Variants in COL7A1 observed in about 807,000 individuals in gnomAD.
COL7A1 encodes collagen type VII alpha 1 chain, also known as collagen alpha-1(VII) chain.
Under a neutral mutation model 456.2 loss-of-function variants are expected in COL7A1, and 296 were observed. The ratio of observed to expected loss-of-function variants is 0.65; its 90% confidence interval spans 0.59 to 0.71. The LOEUF (loss-of-function observed/expected upper bound fraction) is 0.71, where lower values mean the gene tolerates loss of function less well. COL7A1 is among the 30% of genes least tolerant of loss of function. COL7A1 has a pLI of 0.00. For missense variants in COL7A1, 3,441 were observed against 4,017.2 expected (o/e 0.86, Z 3.88); for synonymous variants, 1,464 against 1,525.9 (o/e 0.96, Z 0.95).
rs2043821023 is a variant in COL7A1, at chr3:48,570,236, G to C, written c.7440+39C>G. The C allele has an allele frequency of 1.2e-6, 2 of 1,613,960 alleles. No individual in the cohort carries two copies. Among genetic ancestry groups the C allele is most frequent in the South Asian group, 2.2e-5 (2 of 91,088 alleles). ...GGTTGGAAATCAGAGGCAAGAGCTG[G>C]GATGAAGGGAGTTCGGCTGTGGAGT... On this transcript the variant is annotated intron_variant, in intron 98 of 118. Coordinates refer to ENST00000681320, the MANE Select transcript of COL7A1 (RefSeq NM_000094.4). This position sits in a 1 kb window ranked among gnomAD's most constrained non-coding sequence, Gnocchi z 5.5.
chr3:48,593,214 G>C lies in COL7A1; in HGVS notation c.570C>G (p.Pro190=). 1.9e-6 allele frequency: 3 copies of C among 1,614,088 alleles called. No individual in the cohort carries two copies. Among genetic ancestry groups the C allele is most frequent in the Non-Finnish European group, 2.5e-6 (3 of 1,180,004 alleles). The change falls in exon 6 of 119, where the codon CCC becomes CCG. Residue 190 remains proline, a synonymous_variant. Coordinates refer to ENST00000681320, the MANE Select transcript of COL7A1 (RefSeq NM_000094.4). This position sits in a 1 kb window ranked among gnomAD's most constrained non-coding sequence, Gnocchi z 4.4. ...PEELKRVASQ[P]TSDFFFFVND... ...TGACGAAGAAGAAGAAGTCACTGGT[G>C]GGCTGTGAGGCAACTCGCTTCAGCT... is the stretch of plus-strand genomic sequence containing the variant.
Position 48,595,012 on chromosome 3 carries a change from C to G in COL7A1, c.85+63G>C, listed in dbSNP as rs1186094649. 9.6e-6 allele frequency: 13 copies of G among 1,352,024 alleles called. No homozygotes were observed. In the East Asian group the frequency reaches 3.3e-4, roughly 34 times the overall value. 83.8% of individuals were successfully genotyped at this position (1,352,024 alleles called of 1,614,324 possible). On this transcript the variant is annotated intron_variant, in intron 2 of 118. Coordinates refer to ENST00000681320, the MANE Select transcript of COL7A1 (RefSeq NM_000094.4). Reference sequence around the variant, plus strand: ...GGCGGGGGGTGTTGGGGATGAAGGCCGAGTGGAGCGGAGGGTGGCACGGTG... The same window carrying G: ...GGCGGGGGGTGTTGGGGATGAAGGCGGAGTGGAGCGGAGGGTGGCACGGTG...
At chr3:48,584,872 G>A in intron 34 of COL7A1, 38 bp downstream of exon 34, 1 of 1,614,004 alleles carries the variant, frequency 6.2e-7, no homozygotes. Flanking sequence ...AGAACCCTGG[G>A]AAGACACTTA....
Position 48,572,170 on chromosome 3 carries a change from C to A in COL7A1, c.6980G>T (p.Gly2327Val). 1 of 1,614,040 alleles carries A rather than the reference C, an allele frequency of 6.2e-7. No individual in the cohort carries two copies. The highest frequency in any genetic ancestry group is 8.5e-7 in the Non-Finnish European group (1 of 1,180,028). ...GLAGDLVGEP[G>V]AKGDRGLPGP... is the part of the protein sequence containing the mutation. Reference sequence around the variant, plus strand: ...TGGCAGTCCTCGGTCACCTTTGGCTCCCTGTTGACAGAGGTCAGGAGGCAA... The same window carrying A: ...TGGCAGTCCTCGGTCACCTTTGGCTACCTGTTGACAGAGGTCAGGAGGCAA... Residue 2327 changes from glycine (G) to valine (V), a missense_variant and splice_region_variant, in exon 91 of 119, where the codon GGA becomes GTA. This residue lies in a region of COL7A1 where 2,084 missense variants were observed against 2,501.3 expected (regional missense o/e 0.83). Coordinates refer to ENST00000681320, the MANE Select transcript of COL7A1 (RefSeq NM_000094.4). The surrounding 1 kb of genome is among the most constrained non-coding windows in gnomAD (Gnocchi z 4.6).
chr3:48,587,794 A>G lies in COL7A1; in HGVS notation c.2856T>C (p.Thr952=). 1.2e-6 allele frequency: 2 copies of G among 1,613,370 alleles called. No individual in the cohort carries two copies. Among genetic ancestry groups the G allele is most frequent in the Non-Finnish European group, 1.7e-6 (2 of 1,179,978 alleles). ...EGPSAEVTAR[T]ESPRVPSIEL... is the part of the protein sequence containing the mutation. ...CACGCCAAGGTGAGGCAGGCTTACC[A>G]GTGCGCGCAGTCACCTCTGCAGAGG... The change falls in exon 22 of 119, where the codon ACT becomes ACC. Residue 952 remains threonine, a splice_region_variant and synonymous_variant. Coordinates refer to ENST00000681320, the MANE Select transcript of COL7A1 (RefSeq NM_000094.4). The surrounding 1 kb of genome is among the most constrained non-coding windows in gnomAD (Gnocchi z 6.1).
rs767122729 is a variant in COL7A1, at chr3:48,586,194, A to G, written c.3603T>C (p.Arg1201=). ...CAGAGTCCATACCCGGCGCCAAGCG[A>G]CGCAGCTGCTCTGGGTCCGCTCCAG... ...GMAGADPEQL[R]RLAPGMDSVQ... Residue 1201 remains arginine (R), a synonymous_variant, in exon 28 of 119, where the codon CGT becomes CGC. Coordinates refer to ENST00000681320, the MANE Select transcript of COL7A1 (RefSeq NM_000094.4). This position sits in a 1 kb window ranked among gnomAD's most constrained non-coding sequence, Gnocchi z 5.1. 1.9e-6 allele frequency: 3 copies of G among 1,613,366 alleles called. No homozygotes were observed. The highest frequency in any genetic ancestry group is 2.5e-6 in the Non-Finnish European group (3 of 1,180,020).
At position 48,571,134 on chromosome 3, in the gene COL7A1, G is replaced by A. The variant is rs1279238298; in HGVS notation, c.7131C>T (p.Gly2377=). The A allele has an allele frequency of 6.2e-7, 1 of 1,613,922 alleles. No homozygotes were observed. The highest frequency in any genetic ancestry group is 1.3e-5 in the African/African-American group (1 of 74,918). ...CTGGAGGGCCAGGAGGCCCAGGGGA[G>A]CCCGGGACCCCGACTCCTGGGTCAC... ...FKGDPGVGVP[G]SPGPPGPPGV... The change falls in exon 94 of 119, where the codon GGC becomes GGT. Residue 2377 remains glycine (G), a synonymous_variant. Coordinates refer to ENST00000681320, the MANE Select transcript of COL7A1 (RefSeq NM_000094.4). This position sits in a 1 kb window ranked among gnomAD's most constrained non-coding sequence, Gnocchi z 4.6.
Position 48,588,449 on chromosome 3 carries a change from C to A in COL7A1, c.2588-45G>T. 6.2e-7 allele frequency: 1 copy of A among 1,600,364 alleles called. No individual in the cohort carries two copies. The highest frequency in any genetic ancestry group is 2.2e-5 in the East Asian group (1 of 44,648). ...ATCAGGGAGGCTCTGCCCCCATGGC[C>A]CCTGCACCAATCCCAGGCCCACCCT... On this transcript the variant is annotated intron_variant, in intron 20 of 118. Transcript: ENST00000681320. The surrounding 1 kb of genome is among the most constrained non-coding windows in gnomAD (Gnocchi z 4.6).
Position 48,588,584 on chromosome 3 carries a change from G to A in COL7A1, c.2587+58C>T, listed in dbSNP as rs919818160. The A allele has an allele frequency of 1.5e-5, 24 of 1,612,890 alleles. No individual in the cohort carries two copies. Among genetic ancestry groups the A allele is most frequent in the Middle Eastern group, 1.6e-4 (1 of 6,070 alleles). On this transcript the variant is annotated intron_variant, in intron 20 of 118. Transcript: ENST00000681320. The surrounding 1 kb of genome is among the most constrained non-coding windows in gnomAD (Gnocchi z 4.6). ...TTTCTCCAATCCAGAGCACAAGCCC[G>A]GATCCCCAAACCATCCACACCACCC... is the stretch of plus-strand genomic sequence containing the variant.
Position 48,584,344 on chromosome 3 carries a change from TC to T in COL7A1, c.4150del (p.Asp1384ThrfsTer15). ...GPPGPRGPLG[D>X]PGPRGPPGLP... ...CCCTGGGGGGCCACGGGGTCCTGGGTCCCCCAGTGGTCCACGAGGTCCAGGG... is the reference window on the plus strand; with the variant it reads ...CCCTGGGGGGCCACGGGGTCCTGGGTCCCCAGTGGTCCACGAGGTCCAGGG... On this transcript the variant is annotated frameshift_variant, in exon 37 of 119. Coordinates refer to ENST00000681320, the MANE Select transcript of COL7A1 (RefSeq NM_000094.4). LOFTEE classifies it high-confidence loss of function. 6.2e-7 allele frequency: 1 copy of T among 1,613,018 alleles called. No homozygotes were observed. The highest frequency in any genetic ancestry group is 8.5e-7 in the Non-Finnish European group (1 of 1,179,550).
At position 48,587,695 on chromosome 3, in the gene COL7A1, G is replaced by A; in HGVS notation, c.2857+98C>T. 1 of 1,602,388 alleles carries A rather than the reference G, an allele frequency of 6.2e-7. No individual in the cohort carries two copies. Among genetic ancestry groups the A allele is most frequent in the Non-Finnish European group, 8.5e-7 (1 of 1,170,384 alleles). ...GGGGTCACCCAGGGTCAGAGGGTGA[G>A]GGGTAGGGGTACAGGAGGAGTCACT... On this transcript the variant is annotated intron_variant, in intron 22 of 118. Transcript: ENST00000681320. The surrounding 1 kb of genome is among the most constrained non-coding windows in gnomAD (Gnocchi z 6.1).
In COL7A1 at chr3:48,572,773, C is replaced by G; in HGVS notation, c.6832-34G>C. ...GAGCAGCGTGAGGAACTCAGTGCCT[C>G]TCCACCACCACCCCTGCTGCCCCAC... On this transcript the variant is annotated intron_variant, in intron 87 of 118. Coordinates refer to ENST00000681320, the MANE Select transcript of COL7A1 (RefSeq NM_000094.4). This position sits in a 1 kb window ranked among gnomAD's most constrained non-coding sequence, Gnocchi z 4.6. The G allele has an allele frequency of 1.2e-6, 2 of 1,611,562 alleles. No homozygotes were observed. Among genetic ancestry groups the G allele is most frequent in the Non-Finnish European group, 1.7e-6 (2 of 1,178,818 alleles).
At position 48,572,159 on chromosome 3, in the gene COL7A1, C is replaced by A; in HGVS notation, c.6991G>T (p.Asp2331Tyr). Reference sequence around the variant, plus strand: ...CCTCGCGGCCCTGGCAGTCCTCGGTCACCTTTGGCTCCCTGTTGACAGAGG... The same window carrying A: ...CCTCGCGGCCCTGGCAGTCCTCGGTAACCTTTGGCTCCCTGTTGACAGAGG... ...DLVGEPGAKG[D>Y]RGLPGPRGEK... The change falls in exon 91 of 119, where the codon GAC becomes TAC. Residue 2331 changes from aspartate (D) to tyrosine (Y), a missense_variant. Physicochemically the swap from Asp to Tyr is radical, Grantham distance 160. Coordinates refer to ENST00000681320, the MANE Select transcript of COL7A1 (RefSeq NM_000094.4). The surrounding 1 kb of genome is among the most constrained non-coding windows in gnomAD (Gnocchi z 4.6). The A allele has an allele frequency of 6.2e-7, 1 of 1,614,048 alleles. No individual in the cohort carries two copies. Among genetic ancestry groups the A allele is most frequent in the South Asian group, 1.1e-5 (1 of 91,068 alleles).
At position 48,576,662 on chromosome 3, in the gene COL7A1, C is replaced by A; in HGVS notation, c.5700+14G>T. On this transcript the variant is annotated intron_variant, in intron 68 of 118. Coordinates refer to ENST00000681320, the MANE Select transcript of COL7A1 (RefSeq NM_000094.4). ...CTAATGCTCTGAAGTCCCAGAATGA[C>A]CCAGGACACTCACCTGGCCAGGAGG... The A allele has an allele frequency of 6.2e-7, 1 of 1,600,610 alleles. No individual in the cohort carries two copies. The highest frequency in any genetic ancestry group is 1.3e-5 in the African/African-American group (1 of 74,916).
In COL7A1 at chr3:48,576,401, T is replaced by A. The variant is rs746824716; in HGVS notation, c.5771A>T (p.Gln1924Leu). The A allele has an allele frequency of 2.5e-5, 40 of 1,613,650 alleles. No individual in the cohort carries two copies. In the Admixed American group the frequency reaches 6.7e-4, roughly 27 times the overall value. The change falls in exon 70 of 119, where the codon CAG becomes CTG. Residue 1924 changes from glutamine to leucine, a missense_variant and splice_region_variant. By Grantham distance (113) the Gln-to-Leu change is moderately radical. This residue lies in a region of COL7A1 where 2,084 missense variants were observed against 2,501.3 expected (regional missense o/e 0.83). Transcript: ENST00000681320. ...ATGTGGAAAAGGTGGGGGCCTCACC[T>A]GCTCCCCTTTGGATCCAGTCTCCCC... The part of the protein sequence containing the change: ...DRGETGSKGE[Q>L]GLPGERGLRG...
At position 48,587,414 on chromosome 3, in the gene COL7A1, C is replaced by T; in HGVS notation, c.2992+6G>A. On this transcript the variant is annotated splice_donor_region_variant and intron_variant, in intron 23 of 118. Coordinates refer to ENST00000681320, the MANE Select transcript of COL7A1 (RefSeq NM_000094.4). The surrounding 1 kb of genome is among the most constrained non-coding windows in gnomAD (Gnocchi z 6.1). ...CAGCCCACCCAAATCCTGGCCTCCC[C>T]CTCACCCTGGCCAGGGCCTCTGAGT... 6.2e-7 allele frequency: 1 copy of T among 1,613,220 alleles called. No individual in the cohort carries two copies. Among genetic ancestry groups the T allele is most frequent in the Non-Finnish European group, 8.5e-7 (1 of 1,180,018 alleles).
rs774931257 is a variant in COL7A1 at position 48,568,488 on chromosome 3, G to C, written c.7794+11C>G. ...GGACAGGGGGCCCCTGTGGGAGCAG[G>C]GGCATCTTACCGGGTCACCAGGGAT... On this transcript the variant is annotated intron_variant, in intron 105 of 118. Transcript: ENST00000681320. The surrounding 1 kb of genome is among the most constrained non-coding windows in gnomAD (Gnocchi z 5.2). The C allele has an allele frequency of 6.2e-7, 1 of 1,601,168 alleles. No homozygotes were observed. Among genetic ancestry groups the C allele is most frequent in the Non-Finnish European group, 8.5e-7 (1 of 1,171,298 alleles).
In COL7A1 at chr3:48,567,391, T is replaced by C; in HGVS notation, c.8046+183A>G. The C allele has an allele frequency of 2.4e-6, 2 of 850,208 alleles. No homozygotes were observed. Among genetic ancestry groups the C allele is most frequent in the South Asian group, 1.4e-5 (1 of 69,994 alleles). The allele number at this position is 850,208 out of a possible 1,614,324, so 52.7% of individuals were successfully genotyped here. Reference sequence around the variant, plus strand: ...ATGCACATGCCCCCTCCACCTCCCATGCTTTCATCCTAACTCCACTGTGAC... The same window carrying C: ...ATGCACATGCCCCCTCCACCTCCCACGCTTTCATCCTAACTCCACTGTGAC... On this transcript the variant is annotated intron_variant, in intron 109 of 118. Transcript: ENST00000681320. The surrounding 1 kb of genome is among the most constrained non-coding windows in gnomAD (Gnocchi z 4.3).
Position 48,564,433 on chromosome 3 carries a change from C to T in COL7A1, c.8819-11G>A, listed in dbSNP as rs960694716. The T allele has an allele frequency of 6.2e-7, 1 of 1,613,902 alleles. No individual in the cohort carries two copies. The highest frequency in any genetic ancestry group is 8.5e-7 in the Non-Finnish European group (1 of 1,179,972). ...AGTCCTGGGCAGTACCTGGTGAGGA[C>T]AGGTTGGAAACGGTCGTCAGCCATC... is the stretch of plus-strand genomic sequence containing the variant. On this transcript the variant is annotated splice_polypyrimidine_tract_variant and intron_variant, in intron 118 of 118. Coordinates refer to ENST00000681320, the MANE Select transcript of COL7A1 (RefSeq NM_000094.4). This position sits in a 1 kb window ranked among gnomAD's most constrained non-coding sequence, Gnocchi z 6.0.
Sources: allele counts gnomAD v4.1 joint callset, GRCh38; gene constraint gnomAD v4.1.1; regional missense constraint gnomAD v4.1.1; non-coding constraint Gnocchi (gnomAD v3.1); transcripts MANE v1.5; gene names NCBI Gene and HGNC (gene_info 2026-07-23, HGNC 2026-07-21).